NOL4: variants seen among roughly 807,000 people sequenced by gnomAD.
The protein encoded by NOL4 is nucleolar protein 4.
NOL4 carries 17 observed loss-of-function variants against 75.9 expected under a neutral mutation model. That is an observed-to-expected ratio of 0.22 (90% CI 0.15 to 0.34). NOL4 has a LOEUF of 0.34. Ranked by LOEUF, NOL4 falls within the 10% of genes least tolerant of loss-of-function variation. The pLI, the probability that NOL4 is intolerant of heterozygous loss-of-function variation, is 1.00. For synonymous variants in NOL4, 292 were observed against 289.9 expected (o/e 1.01, Z -0.07); for missense variants, 614 against 793.5 (o/e 0.77, Z 2.72).
chr18:33,952,207 T>C (rs1012116336), intron 8 of NOL4, among the ~76,000 whole-genome samples: 1 of 152,188 alleles, frequency 6.6e-6, no homozygotes, highest in African/African-American at 2.4e-5. Context: ...GTCAACACCT[T>C]GCTTAAAGTA....
chr18:34,025,509 C>A (rs1462094512), intron 5 of NOL4, among the ~76,000 whole-genome samples: 11 of 152,158 alleles, frequency 7.2e-5, no homozygotes, highest in Admixed American at 7.2e-4. Context: ...TCAAAACCAT[C>A]AAAGTGTGTC....
Position 34,211,115 on chromosome 18 carries a change from GGA to G in NOL4, c.264+11873_264+11874del, listed in dbSNP as rs2036486609. On this transcript the variant is annotated intron_variant, in intron 1 of 10. Transcript: ENST00000261592. The stretch of plus-strand genomic sequence containing the variant: ...AGGGAAGGAAGAAGGAAGGAAAGAA[GGA>G]AGGAAGGAAGGAAGGAAGGAAGGAA... Among the ~76,000 whole-genome samples the G allele has an allele frequency of 5.6e-4, 22 of 39,268 alleles. No homozygotes were observed. In the South Asian group the frequency reaches 0.026, roughly 46 times the overall value. 25.8% of individuals were successfully genotyped at this position (39,268 alleles called of 152,430 possible).
chr18:33,986,226 T>TACA (rs1263035081), intron 6 of NOL4, among the ~76,000 whole-genome samples: 1 of 152,140 alleles, frequency 6.6e-6, no homozygotes, highest in Non-Finnish European at 1.5e-5. Flanking sequence ...GGCTATTCAA[T>TACA]ATATTGGTTT....
chr18:33,990,270 T>C (rs1370424537), intron 6 of NOL4, among the ~76,000 whole-genome samples: 3 of 152,038 alleles, frequency 2.0e-5, no homozygotes, highest in Non-Finnish European at 2.9e-5. Flanking sequence ...AACTGGTCAC[T>C]ACCCAAAATG....
At chr18:34,073,087 T>C (rs149016813) in intron 5 of NOL4, among the ~76,000 whole-genome samples, 1 of 152,024 alleles carries the variant, frequency 6.6e-6, no homozygotes, top group African/African-American at 2.4e-5. Flanking sequence ...ATCAATTAAA[T>C]ACAAAACATA....
At chr18:33,976,306 T>C (rs2071482280) in intron 6 of NOL4, among the ~76,000 whole-genome samples, 1 of 152,192 alleles carries the variant, frequency 6.6e-6, no homozygotes, top group Non-Finnish European at 1.5e-5. Context: ...CATTTAGGAA[T>C]ACAAGGCATA....
At chr18:34,039,504 G>T (rs571797912) in intron 5 of NOL4, among the ~76,000 whole-genome samples, 39 of 152,014 alleles carry the variant, frequency 2.6e-4, no homozygotes, top group Admixed American at 2.4e-3. Flanking sequence ...TCTTTATTTG[G>T]CTTAGCCTCC....
chr18:33,916,965 T>C (rs1040450785), intron 9 of NOL4, among the ~76,000 whole-genome samples: 1 of 152,194 alleles, frequency 6.6e-6, no homozygotes, highest in Non-Finnish European at 1.5e-5. Context: ...TATTTCTCCA[T>C]GAATTCAGCA....
chr18:34,130,138 A>G (rs1292813814), intron 1 of NOL4, 118 bp from the exon 2 acceptor site: 3 of 927,520 alleles, frequency 3.2e-6, no homozygotes, highest in Non-Finnish European at 4.4e-6. Flanking sequence ...TCTATATAGG[A>G]AACGTCAAAA....
intron 6 of NOL4, among the ~76,000 whole-genome samples, chr18:33,978,250 T>A (rs972126626): frequency 2.0e-5 from 3 of 152,178 alleles, no homozygotes; most frequent in African/African-American, 7.2e-5. Context: ...AAATTTCATA[T>A]GCATATATCA....
At chr18:34,090,112 A>G (rs1418885595) in intron 5 of NOL4, among the ~76,000 whole-genome samples, 5 of 152,190 alleles carry the variant, frequency 3.3e-5, no homozygotes, top group African/African-American at 1.2e-4. Flanking sequence ...GAAAAAAAGA[A>G]ATTTTACAGA....
intron 1 of NOL4, among the ~76,000 whole-genome samples, chr18:34,136,258 G>A (rs1469375507): frequency 6.6e-6 from 1 of 152,068 alleles, no homozygotes; most frequent in Non-Finnish European, 1.5e-5. Context: ...GAGACTGAAT[G>A]CTTTCCTCCT....
At chr18:33,876,801 CA>C (rs1345609225) in intron 10 of NOL4, among the ~76,000 whole-genome samples, 9 of 151,998 alleles carry the variant, frequency 5.9e-5, no homozygotes, top group African/African-American at 2.2e-4. Context: ...ACTAAACAAA[CA>C]AAAGTAAAAG....
chr18:34,195,088 A>G (rs1021607785), intron 1 of NOL4, among the ~76,000 whole-genome samples: 1 of 152,064 alleles, frequency 6.6e-6, no homozygotes, highest in Non-Finnish European at 1.5e-5. Flanking sequence ...GAATATGTGA[A>G]TATCTTTTTA....
At chr18:34,078,865 C>T (rs2077864966) in intron 5 of NOL4, among the ~76,000 whole-genome samples, 1 of 152,160 alleles carries the variant, frequency 6.6e-6, no homozygotes, top group African/African-American at 2.4e-5. Flanking sequence ...AGCTGTGAAG[C>T]TCTAGATATG....
intron 2 of NOL4, among the ~76,000 whole-genome samples, chr18:34,110,053 T>C (rs1483053113): frequency 7.0e-6 from 1 of 143,284 alleles, no homozygotes; most frequent in Admixed American, 7.5e-5. Context: ...ACGGCTTCAC[T>C]GGTAAATTCT....
chr18:34,018,270 C>A (rs1357766185), intron 6 of NOL4, among the ~76,000 whole-genome samples: 2 of 151,986 alleles, frequency 1.3e-5, no homozygotes, highest in Non-Finnish European at 2.9e-5. Context: ...GGCTTTAAAC[C>A]ACTGAGGAGG....
chr18:34,157,288 A>ACATG (rs141478041), intron 1 of NOL4: 2 of 151,990 alleles, frequency 1.3e-5, no homozygotes, highest in Non-Finnish European at 2.9e-5. Flanking sequence ...GGTAGATGCC[A>ACATG]GTAAGAAAAT....
intron 1 of NOL4, among the ~76,000 whole-genome samples, chr18:34,179,051 T>A (rs2033804359): frequency 6.6e-6 from 1 of 151,264 alleles, no homozygotes; most frequent in African/African-American, 2.4e-5. Context: ...ATTTGGAAAA[T>A]TCACTAATGT....
Sources: allele counts gnomAD v4.1 joint callset (sites outside exome capture counted in the v4.1 genomes callset), GRCh38; gene constraint gnomAD v4.1.1; transcripts MANE v1.5; gene names NCBI Gene and HGNC (gene_info 2026-07-23, HGNC 2026-07-21).